Variants in CDC42SE2 observed in about 807,000 individuals in gnomAD.
CDC42SE2 encodes CDC42 small effector 2, also known as CDC42 small effector protein 2.
A neutral mutation model predicts 11.5 loss-of-function variants in CDC42SE2; 3 were observed. The ratio of observed to expected loss-of-function variants is 0.26; its 90% CI spans 0.12 to 0.67. The LOEUF is 0.67. Ranked by LOEUF, CDC42SE2 falls within the 30% of genes least tolerant of loss-of-function variation. The pLI, the probability that CDC42SE2 is intolerant of heterozygous loss-of-function variation, is 0.80. For missense variants in CDC42SE2, 82 were observed against 106.8 expected, an observed-to-expected ratio of 0.77 and a Z score of 1.02; for synonymous variants, 33 against 34.8, an observed-to-expected ratio of 0.95 and a Z score of 0.18.
the CDC42SE2 span, among the ~76,000 whole-genome samples, chr5:131,210,430 T>C: frequency 7.1e-3 from 1,078 of 152,348 alleles, 15 homozygotes; most frequent in African/African-American, 0.025. Context: ...TCTTCCTTTT[T>C]GAATTCAATT....
At chr5:131,363,494 A>G (rs996350229) in intron 3 of CDC42SE2, among the ~76,000 whole-genome samples, 1 of 151,582 alleles carries the variant, frequency 6.6e-6, no homozygotes, top group African/African-American at 2.4e-5. Flanking sequence ...CTCCTGCCTC[A>G]GCGTCCTGAG....
Position 131,334,801 on chromosome 5 carries a change from G to C in CDC42SE2, c.-286+18657G>C, listed in dbSNP as rs1362573870. 1.1e-4 allele frequency among the ~76,000 whole-genome samples: 16 copies of C among 152,086 alleles called. No individual in the cohort carries two copies. The East Asian group carries it at 2.5e-3, about 24-fold the overall frequency. On this transcript the variant is annotated intron_variant, in intron 2 of 4. Coordinates refer to ENST00000505065, the MANE Select transcript of CDC42SE2 (RefSeq NM_001375635.1). Reference sequence around the variant, plus strand: ...ATGGTAGTTTGTATTTCTGTGGGATGGGTGGTGATATCCCCTTTATCATTT... The same window carrying C: ...ATGGTAGTTTGTATTTCTGTGGGATCGGTGGTGATATCCCCTTTATCATTT...
the CDC42SE2 span, among the ~76,000 whole-genome samples, chr5:131,212,917 A>G: frequency 0.3 from 45,233 of 152,164 alleles, 10,146 homozygotes; most frequent in African/African-American, 0.63. Context: ...CCGGCTGGGC[A>G]TGGTGGCTCA....
intron 2 of CDC42SE2, among the ~76,000 whole-genome samples, chr5:131,318,670 G>A (rs936737552): frequency 6.6e-6 from 1 of 152,128 alleles, no homozygotes; most frequent in African/African-American, 2.4e-5. Context: ...CCCTGAAGCT[G>A]CTGTACCTCT....
intron 3 of CDC42SE2, among the ~76,000 whole-genome samples, chr5:131,380,377 C>T (rs1470357889): frequency 2.0e-5 from 3 of 152,034 alleles, no homozygotes; most frequent in Non-Finnish European, 4.4e-5. Flanking sequence ...GAACTCCTGA[C>T]CTCAAGTGAT....
chr5:131,223,414 A>G, the CDC42SE2 span, among the ~76,000 whole-genome samples: 1 of 152,216 alleles, frequency 6.6e-6, no homozygotes, highest in East Asian at 1.9e-4. Flanking sequence ...AAGCTGTCTT[A>G]TCATTGATTC....
chr5:131,375,095 A>G (rs1266808347), intron 3 of CDC42SE2, among the ~76,000 whole-genome samples: 1 of 151,158 alleles, frequency 6.6e-6, no homozygotes, highest in Non-Finnish European at 1.5e-5. Flanking sequence ...TGTGACTTAA[A>G]CCAGATACTA....
chr5:131,332,257 G>A (rs1422734081), intron 2 of CDC42SE2, among the ~76,000 whole-genome samples: 6 of 152,144 alleles, frequency 3.9e-5, no homozygotes, highest in Non-Finnish European at 7.3e-5. Context: ...TGAGAATGAT[G>A]GTTTCCAGCT....
At chr5:131,385,910 G>T (rs56401053) in intron 4 of CDC42SE2, among the ~76,000 whole-genome samples, 2,786 of 152,296 alleles carry the variant, frequency 0.018, 28 homozygotes, top group Middle Eastern at 0.031. Flanking sequence ...TTTGAAACTT[G>T]AAAGGATTTG....
intron 2 of CDC42SE2, among the ~76,000 whole-genome samples, chr5:131,350,828 A>G (rs1290326916): frequency 1.3e-5 from 2 of 152,202 alleles, no homozygotes; most frequent in Non-Finnish European, 2.9e-5. Context: ...ATTGGAAGAC[A>G]AATGACTACC....
upstream of CDC42SE2, among the ~76,000 whole-genome samples, chr5:131,260,366 T>G (rs1356089900): frequency 6.6e-6 from 1 of 152,200 alleles, no homozygotes; most frequent in Admixed American, 6.5e-5. Flanking sequence ...CTCCCGCCTG[T>G]AATCCCAGCG....
chr5:131,256,996 G>A (rs1043839889), intron 2 of CDC42SE2, among the ~76,000 whole-genome samples: 1 of 152,152 alleles, frequency 6.6e-6, no homozygotes, highest in African/African-American at 2.4e-5. Context: ...TAAAGGGGTG[G>A]TGCATTTTTA....
chr5:131,333,464 C>G (rs1054355491), intron 2 of CDC42SE2, among the ~76,000 whole-genome samples: 1 of 152,046 alleles, frequency 6.6e-6, no homozygotes, highest in Admixed American at 6.6e-5. Context: ...TCTTTTGGTT[C>G]CATATGAACT....
chr5:131,255,297 T>G (rs1756671294), intron 2 of CDC42SE2: 1 of 152,110 alleles, frequency 6.6e-6, no homozygotes, highest in Admixed American at 6.5e-5. Flanking sequence ...TTAATACATT[T>G]TATATTAATT....
intron 3 of CDC42SE2, among the ~76,000 whole-genome samples, chr5:131,384,143 A>T (rs576418465): frequency 6.6e-6 from 1 of 152,234 alleles, no homozygotes; most frequent in Non-Finnish European, 1.5e-5. Context: ...GTCTAATGTC[A>T]TTGCTGAATT....
At chr5:131,382,826 A>G (rs1750363511) in intron 3 of CDC42SE2, among the ~76,000 whole-genome samples, 1 of 152,166 alleles carries the variant, frequency 6.6e-6, no homozygotes, top group Non-Finnish European at 1.5e-5. Flanking sequence ...ACATGCTGAG[A>G]AAATTCGTAT....
At chr5:131,319,457 C>T (rs1324452236) in intron 2 of CDC42SE2, among the ~76,000 whole-genome samples, 2 of 152,046 alleles carry the variant, frequency 1.3e-5, no homozygotes, top group Admixed American at 1.3e-4. Context: ...GGCTGTTGTA[C>T]CCCCATAGAC....
At chr5:131,238,128 A>T in the CDC42SE2 span, among the ~76,000 whole-genome samples, 1 of 4,252 alleles carries the variant, frequency 2.4e-4, no homozygotes, top group Non-Finnish European at 5.2e-4. Context: ...TGATGCATCT[A>T]AATAAATTCT....
At chr5:131,323,205 T>TC (rs1758228724) in intron 2 of CDC42SE2, among the ~76,000 whole-genome samples, 1 of 151,216 alleles carries the variant, frequency 6.6e-6, no homozygotes. Flanking sequence ...TTTTTTTTTT[T>TC]AGTAGAGACA....
Sources: gnomAD v4.1 joint callset for allele counts (sites outside exome capture counted in the v4.1 genomes callset) on GRCh38, gnomAD v4.1.1 for gene constraint, MANE v1.5 for transcripts, NCBI Gene and HGNC (gene_info 2026-07-23, HGNC 2026-07-21) for gene names.